Variants in ALDH3B1 observed in about 807,000 individuals in gnomAD.
The protein encoded by ALDH3B1 is aldehyde dehydrogenase 3 family member B1.
Under a neutral mutation model 46.2 loss-of-function variants are expected in ALDH3B1, and 37 were observed. The ratio of observed to expected loss-of-function variants is 0.80; its 90% confidence interval spans 0.62 to 1.05. ALDH3B1 has a LOEUF of 1.05. ALDH3B1 is among the 50% of genes least tolerant of loss of function. ALDH3B1 has a pLI of 0.00. For missense variants in ALDH3B1, 603 were observed against 665.5 expected (o/e 0.91, Z 1.03); for synonymous variants, 283 against 281.0 (o/e 1.01, Z -0.07).
In ALDH3B1 at chr11:68,021,827, G is replaced by C. The variant is rs769230507; in HGVS notation, c.905G>C (p.Arg302Pro). Residue 302 changes from arginine (R) to proline (P), a missense_variant, in exon 7 of 10, where the codon CGT becomes CCT. Transcript: ENST00000342456. ...CTGCGGGCATTGCTGGGCTGCGGCCGTGTGGCCATTGGGGGCCAGAGCGAT... is the reference window on the plus strand; with the variant it reads ...CTGCGGGCATTGCTGGGCTGCGGCCCTGTGGCCATTGGGGGCCAGAGCGAT... ...QRLRALLGCG[R>P]VAIGGQSDES... 1 of 1,613,764 alleles carries C rather than the reference G, an allele frequency of 6.2e-7. No homozygotes were observed. The highest frequency in any genetic ancestry group is 1.1e-5 in the South Asian group (1 of 91,038).
intron 9 of ALDH3B1, among the ~76,000 whole-genome samples, chr11:68,027,228 C>T (rs992727009): frequency 2.6e-5 from 4 of 152,284 alleles, no homozygotes; most frequent in Non-Finnish European, 2.9e-5. Flanking sequence ...CCTTGGAGCT[C>T]ACTCACTGCA....
At position 68,015,471 on chromosome 11, in the gene ALDH3B1, T is replaced by G; in HGVS notation, c.162+12T>G. ...AGGACCTGCACAAGGTGGGCTGGGG[T>G]TGGGGGTATGAGAGGGTGCACTGGG... is the stretch of plus-strand genomic sequence containing the variant. On this transcript the variant is annotated intron_variant, in intron 2 of 9. Coordinates refer to ENST00000342456, the MANE Select transcript of ALDH3B1 (RefSeq NM_000694.4). The G allele has an allele frequency of 6.4e-7, 1 of 1,567,202 alleles. No individual in the cohort carries two copies. Among genetic ancestry groups the G allele is most frequent in the Non-Finnish European group, 8.6e-7 (1 of 1,156,408 alleles).
Position 68,027,956 on chromosome 11 carries a change from A to G in ALDH3B1, c.*17A>G. The G allele has an allele frequency of 6.4e-7, 1 of 1,553,110 alleles. No homozygotes were observed. The highest frequency in any genetic ancestry group is 1.2e-5 in the South Asian group (1 of 85,286). The stretch of plus-strand genomic sequence containing the variant: ...CTGCTCTGAGCCCTTCCCCAGGCCC[A>G]GGCTGTAGACCACCATGACAGCTGT... On this transcript the variant is annotated 3_prime_UTR_variant, in exon 10 of 10. Coordinates refer to ENST00000342456, the MANE Select transcript of ALDH3B1 (RefSeq NM_000694.4).
At chr11:68,017,925 G>A (rs1857386206) in intron 2 of ALDH3B1, 1 of 152,300 alleles carries the variant, frequency 6.6e-6, no homozygotes. Context: ...GCTCTTCTCA[G>A]GAGTCCTTGC....
rs370461081 is a variant in ALDH3B1, at chr11:68,021,808, G to A, written c.886G>A (p.Ala296Thr). 159 of 1,614,128 alleles carry A rather than the reference G, an allele frequency of 9.9e-5. 2 individuals are homozygous for A. The East Asian group carries it at 2.4e-3, about 25-fold the overall frequency. ...INQKQFQRLR[A>T]LLGCGRVAIG... ...CCAGAAACAGTTCCAGCGGCTGCGGGCATTGCTGGGCTGCGGCCGTGTGGC... is the reference window on the plus strand; with the variant it reads ...CCAGAAACAGTTCCAGCGGCTGCGGACATTGCTGGGCTGCGGCCGTGTGGC... Residue 296 changes from alanine (A) to threonine (T), a missense_variant, in exon 7 of 10, where the codon GCA (alanine) becomes ACA (threonine). By Grantham distance (58) the Ala-to-Thr change is moderately conservative (BLOSUM62 0). Coordinates refer to ENST00000342456, the MANE Select transcript of ALDH3B1 (RefSeq NM_000694.4).
At chr11:68,018,997 G>A (rs1857421917) in intron 4 of ALDH3B1, 104 bp downstream of exon 4, 10 of 1,483,178 alleles carry the variant, frequency 6.7e-6, no homozygotes, top group South Asian at 1.3e-5. Flanking sequence ...AGGTGGCAAA[G>A]AGGACTGTCT....
Position 68,015,338 on chromosome 11 carries a change from C to A in ALDH3B1, c.41C>A (p.Ala14Asp). 1 of 1,529,794 alleles carries A rather than the reference C, an allele frequency of 6.5e-7. No homozygotes were observed. The highest frequency in any genetic ancestry group is 8.8e-7 in the Non-Finnish European group (1 of 1,134,062). 94.8% of individuals were successfully genotyped at this position (1,529,794 alleles called of 1,614,324 possible). A position where few individuals can be genotyped will look rare whatever the true frequency, so the allele number is the denominator to read the frequency against. ...LGDTLRRLRE[A>D]FHAGRTRPAE... ...GACACGCTGCGGCGACTGCGGGAGG[C>A]CTTCCACGCGGGGCGCACGCGGCCA... Residue 14 changes from alanine to aspartate, a missense_variant, in exon 2 of 10, where the codon GCC becomes GAC. Coordinates refer to ENST00000342456, the MANE Select transcript of ALDH3B1 (RefSeq NM_000694.4).
Position 68,015,278 on chromosome 11 carries a change from A to G in ALDH3B1, c.-1-19A>G. On this transcript the variant is annotated intron_variant, in intron 1 of 9. Transcript: ENST00000342456. ...AGGGGCAGCCCTGGCCACCCAGTTC[A>G]TGCCACCCCATCTGGCAGGATGGAC... The G allele has an allele frequency of 6.8e-7, 1 of 1,463,884 alleles. No individual in the cohort carries two copies. Among genetic ancestry groups the G allele is most frequent in the Non-Finnish European group, 9.1e-7 (1 of 1,102,984 alleles). 90.7% of individuals were successfully genotyped at this position (1,463,884 alleles called of 1,614,324 possible). A position where few individuals can be genotyped will look rare whatever the true frequency, so the allele number is the denominator to read the frequency against.
upstream of ALDH3B1, among the ~76,000 whole-genome samples, chr11:68,009,557 T>A (rs768458126): frequency 6.6e-6 from 1 of 152,188 alleles, no homozygotes; most frequent in Non-Finnish European, 1.5e-5. Context: ...GGGGTCCACG[T>A]GAAAGGGTCG....
chr11:68,025,278 T>C (rs886741305), intron 8 of ALDH3B1: 1 of 152,214 alleles, frequency 6.6e-6, no homozygotes, highest in African/African-American at 2.4e-5. Flanking sequence ...TGAAGTGACG[T>C]CTGAATCCAC....
intron 7 of ALDH3B1, 138 bp from the exon 8 acceptor site, chr11:68,022,457 A>C: frequency 8.2e-7 from 1 of 1,213,500 alleles, no homozygotes; most frequent in Non-Finnish European, 1.1e-6. Flanking sequence ...AAACACTCCA[A>C]AGCCTGAAGC....
chr11:68,014,449 G>A (rs962863338), intron 1 of ALDH3B1, among the ~76,000 whole-genome samples: 11 of 152,260 alleles, frequency 7.2e-5, no homozygotes, highest in South Asian at 4.1e-4. Flanking sequence ...GAACGAGTGC[G>A]TCAGAGTGCT....
intron 4 of ALDH3B1, 22 bp from the exon 5 acceptor site, chr11:68,019,148 C>G (rs987130367): frequency 1.9e-6 from 3 of 1,605,794 alleles, no homozygotes; most frequent in Admixed American, 1.7e-5. Flanking sequence ...TCCTCCAGCT[C>G]TCTCCCTGCA....
Position 68,022,653 on chromosome 11 carries a change from C to T in ALDH3B1, c.1008C>T (p.Phe336=), listed in dbSNP as rs1258085042. The T allele has an allele frequency of 5.6e-6, 9 of 1,613,996 alleles. No individual in the cohort carries two copies. The highest frequency in any genetic ancestry group is 2.7e-5 in the African/African-American group (2 of 74,928). ...AGCCTGTGATGCAGGAGGAGATCTTCGGGCCCATCCTGCCCATCGTGAACG... is the reference window on the plus strand; with the variant it reads ...AGCCTGTGATGCAGGAGGAGATCTTTGGGCCCATCCTGCCCATCGTGAACG... ...EMEPVMQEEI[F]GPILPIVNVQ... is the part of the protein sequence containing the mutation. The change falls in exon 8 of 10, where the codon TTC becomes TTT. Residue 336 remains phenylalanine, a synonymous_variant. Transcript: ENST00000342456.
chr11:68,015,407 T>G lies in ALDH3B1; in HGVS notation c.110T>G (p.Leu37Arg). Residue 37 changes from leucine to arginine, a missense_variant, in exon 2 of 10, where the codon CTG becomes CGG. By Grantham distance (102) the Leu-to-Arg change is moderately radical. Transcript: ENST00000342456. ...AAQLQGLGRFLQENKQLLHDA... is the reference protein window; with the variant it reads ...AAQLQGLGRFRQENKQLLHDA... The stretch of plus-strand genomic sequence containing the variant: ...CAGCTCCAAGGCCTGGGCCGCTTCC[T>G]GCAAGAAAACAAGCAGCTTCTGCAC... The G allele has an allele frequency of 2.6e-6, 4 of 1,556,456 alleles. No homozygotes were observed. The highest frequency in any genetic ancestry group is 3.5e-6 in the Non-Finnish European group (4 of 1,150,452).
intron 1 of ALDH3B1, among the ~76,000 whole-genome samples, chr11:68,012,066 G>A (rs923282332): frequency 6.6e-6 from 1 of 152,202 alleles, no homozygotes; most frequent in Non-Finnish European, 1.5e-5. Context: ...GAAGGCCCAT[G>A]GTGTAGATGA....
At chr11:68,024,528 TTCC>T (rs1192099135) in intron 8 of ALDH3B1, 1 of 152,266 alleles carries the variant, frequency 6.6e-6, no homozygotes, top group Non-Finnish European at 1.5e-5. Context: ...TACCTTTCTC[TTCC>T]TCCTTTGTAT....
At chr11:68,015,744 T>C (rs1261996139) in intron 2 of ALDH3B1, 2 of 588,986 alleles carry the variant, frequency 3.4e-6, no homozygotes, top group African/African-American at 3.7e-5. Flanking sequence ...TGACCTTCTA[T>C]CGGAGACAAT....
intron 8 of ALDH3B1, among the ~76,000 whole-genome samples, chr11:68,025,769 G>A (rs567965747): frequency 6.6e-6 from 1 of 152,290 alleles, no homozygotes; most frequent in South Asian, 2.1e-4. Context: ...TGTGCCATCA[G>A]CATGGACCAC....
Sources: allele counts gnomAD v4.1 joint callset (sites outside exome capture counted in the v4.1 genomes callset), GRCh38; gene constraint gnomAD v4.1.1; transcripts MANE v1.5; gene names NCBI Gene and HGNC (gene_info 2026-07-23, HGNC 2026-07-21).